NELL1: variants seen among roughly 807,000 people sequenced by gnomAD.
NELL1 encodes the protein neural EGFL like 1.
Under a neutral mutation model 107.4 loss-of-function variants are expected in NELL1, and 76 were observed. That is an observed-to-expected ratio of 0.71 (90% CI 0.59 to 0.86). The LOEUF (loss-of-function observed/expected upper bound fraction) is 0.86. Among genes scored for constraint, NELL1 ranks in the 40% least tolerant of loss-of-function variants. The pLI is 0.00. For missense variants in NELL1, 1,024 were observed against 1,005.5 expected, an observed-to-expected ratio of 1.02 and a Z score of -0.25; for synonymous variants, 353 against 341.2, an observed-to-expected ratio of 1.03 and a Z score of -0.38.
chr11:20,689,838 C>T (rs1341657406), intron 2 of NELL1, among the ~76,000 whole-genome samples: 4 of 150,666 alleles, frequency 2.7e-5, no homozygotes, highest in South Asian at 2.1e-4. Context: ...ATTTCTAGTT[C>T]TAGATCCCTG....
At chr11:20,815,345 C>T (rs557894734) in intron 3 of NELL1, among the ~76,000 whole-genome samples, 6 of 152,264 alleles carry the variant, frequency 3.9e-5, no homozygotes, top group Admixed American at 3.9e-4. Flanking sequence ...CTCAGCCTCC[C>T]AAAGTGCTGG....
At chr11:21,232,155 A>ATATATATATATATATATATAT (rs1554985087) in intron 14 of NELL1, among the ~76,000 whole-genome samples, 2 of 50,032 alleles carry the variant, frequency 4.0e-5, no homozygotes, top group African/African-American at 1.7e-4. Flanking sequence ...AATAAAAAAA[A>ATATATATATATATATATATAT]AAAAATATAT....
intron 15 of NELL1, among the ~76,000 whole-genome samples, chr11:21,467,057 A>G (rs1046897217): frequency 3.3e-4 from 50 of 152,082 alleles, no homozygotes; most frequent in Non-Finnish European, 2.4e-4. Flanking sequence ...CAACTGGGAT[A>G]ATTGAAGGAA....
At chr11:20,843,725 G>A (rs538415440) in intron 3 of NELL1, among the ~76,000 whole-genome samples, 5 of 149,674 alleles carry the variant, frequency 3.3e-5, no homozygotes, top group African/African-American at 7.3e-5. Context: ...CAATTTTGGG[G>A]AAAATGATAA....
At chr11:21,368,621 A>ATATTGTTTTT (rs1851287236) in intron 14 of NELL1, among the ~76,000 whole-genome samples, 1 of 151,984 alleles carries the variant, frequency 6.6e-6, no homozygotes, top group South Asian at 2.1e-4. Flanking sequence ...CCTATCAGAT[A>ATATTGTTTTT]CCTCCATGAA....
At chr11:21,354,303 G>T (rs1287623099) in intron 14 of NELL1, among the ~76,000 whole-genome samples, 1 of 151,962 alleles carries the variant, frequency 6.6e-6, no homozygotes, top group Non-Finnish European at 1.5e-5. Flanking sequence ...AGATATGATG[G>T]TTTTTTCTTT....
intron 2 of NELL1, among the ~76,000 whole-genome samples, chr11:20,727,372 T>A (rs1855531767): frequency 6.6e-6 from 1 of 152,248 alleles, no homozygotes. Flanking sequence ...TTTTCATTTA[T>A]CTGTTGGCTG....
At chr11:20,670,192 G>A (rs986105957) in intron 1 of NELL1, among the ~76,000 whole-genome samples, 3 of 152,142 alleles carry the variant, frequency 2.0e-5, no homozygotes, top group Non-Finnish European at 2.9e-5. Context: ...GTAGCTGCGG[G>A]AGTCGCACCC....
At chr11:20,720,027 G>A (rs1024684489) in intron 2 of NELL1, among the ~76,000 whole-genome samples, 1 of 152,050 alleles carries the variant, frequency 6.6e-6, no homozygotes, top group Non-Finnish European at 1.5e-5. Context: ...TCAAGGCTGA[G>A]TTTTTTTGTT....
At chr11:20,699,539 T>G (rs1401939523) in intron 2 of NELL1, among the ~76,000 whole-genome samples, 1 of 152,158 alleles carries the variant, frequency 6.6e-6, no homozygotes, top group Admixed American at 6.5e-5. Flanking sequence ...TTGTGTATTT[T>G]AGTAGAGATG....
At chr11:20,797,047 A>G (rs1467920190) in intron 3 of NELL1, among the ~76,000 whole-genome samples, 1 of 152,192 alleles carries the variant, frequency 6.6e-6, no homozygotes, top group Non-Finnish European at 1.5e-5. Context: ...AGGAAGAGGC[A>G]AGGTGTGTCA....
At chr11:20,695,650 G>C (rs910616692) in intron 2 of NELL1, among the ~76,000 whole-genome samples, 6 of 152,090 alleles carry the variant, frequency 3.9e-5, no homozygotes, top group Non-Finnish European at 8.8e-5. Flanking sequence ...TTAACTTTTT[G>C]ATGTGCTACT....
intron 15 of NELL1, among the ~76,000 whole-genome samples, chr11:21,454,149 A>C (rs560663593): frequency 2.9e-5 from 4 of 136,408 alleles, no homozygotes; most frequent in African/African-American, 1.1e-4. Context: ...TCATTGTTCA[A>C]TTCCCACCTA....
chr11:21,433,966 C>T (rs576190131), intron 15 of NELL1, among the ~76,000 whole-genome samples: 18 of 152,108 alleles, frequency 1.2e-4, no homozygotes, highest in Admixed American at 7.2e-4. Flanking sequence ...TGAGCCACCA[C>T]GCCCAGCAGG....
intron 2 of NELL1, among the ~76,000 whole-genome samples, chr11:20,741,669 A>T (rs1196725474): frequency 6.6e-6 from 1 of 152,138 alleles, no homozygotes; most frequent in African/African-American, 2.4e-5. Flanking sequence ...GGGTACTTCA[A>T]AGAAAATGTA....
At chr11:21,141,354 A>C (rs554254154) in intron 13 of NELL1, among the ~76,000 whole-genome samples, 76 of 152,358 alleles carry the variant, frequency 5.0e-4, no homozygotes, top group African/African-American at 1.8e-3. Flanking sequence ...TTCTCTAAGC[A>C]TCTAGAGCTG....
intron 14 of NELL1, among the ~76,000 whole-genome samples, chr11:21,264,777 T>G (rs1211272782): frequency 5.9e-5 from 9 of 151,664 alleles, no homozygotes; most frequent in Non-Finnish European, 1.0e-4. Context: ...GTGCGTGTGT[T>G]GAACTAAAAC....
intron 15 of NELL1, among the ~76,000 whole-genome samples, chr11:21,468,915 G>T (rs775801713): frequency 6.6e-6 from 1 of 152,072 alleles, no homozygotes; most frequent in Non-Finnish European, 1.5e-5. Flanking sequence ...TGACAGGGAA[G>T]AGGCGAGTCA....
chr11:21,355,368 C>A (rs1207397388), intron 14 of NELL1, among the ~76,000 whole-genome samples: 1 of 152,196 alleles, frequency 6.6e-6, no homozygotes, highest in Non-Finnish European at 1.5e-5. Flanking sequence ...CCATTTTGAG[C>A]ACTCACTATG....
Sources: allele counts gnomAD v4.1 joint callset (sites outside exome capture counted in the v4.1 genomes callset), GRCh38; gene constraint gnomAD v4.1.1; transcripts MANE v1.5; gene names NCBI Gene and HGNC (gene_info 2026-07-23, HGNC 2026-07-21).